Variants in LILRA5 observed in about 807,000 individuals in gnomAD.
LILRA5 encodes the protein leukocyte immunoglobulin like receptor A5, also known as leukocyte immunoglobulin-like receptor subfamily A member 5.
Under a neutral mutation model 36.3 loss-of-function variants are expected in LILRA5, and 31 were observed. That is an observed-to-expected ratio of 0.85 (90% CI 0.64 to 1.15). The LOEUF (loss-of-function observed/expected upper bound fraction) is 1.15. Ranked by LOEUF, LILRA5 falls within the 50% of genes most tolerant of loss-of-function variation. The pLI is 0.00. For synonymous variants in LILRA5, 144 were observed against 144.8 expected (o/e 0.99, Z 0.04); for missense variants, 348 against 377.4 (o/e 0.92, Z 0.64).
In LILRA5 at chr19:54,312,044, G is replaced by T; in HGVS notation, c.229C>A (p.Arg77Ser). ...TCTGGGCTTCCCTCTTTAACCAGAC[G>T]GTATTCCTGGGCCTCCAGGGTCCCC... ...CQGTLEAQEY[R>S]LVKEGSPEPW... Residue 77 changes from arginine (R) to serine (S), a missense_variant, in exon 4 of 7, where the codon CGT (arginine) becomes AGT (serine). Coordinates refer to ENST00000432233, the MANE Select transcript of LILRA5 (RefSeq NM_021250.4). 6.2e-7 allele frequency: 1 copy of T among 1,614,146 alleles called. No homozygotes were observed. The highest frequency in any genetic ancestry group is 8.5e-7 in the Non-Finnish European group (1 of 1,180,006).
Position 54,311,484 on chromosome 19 carries a change from G to A in LILRA5, c.642C>T (p.Cys214=), listed in dbSNP as rs1202839339. 6.2e-7 allele frequency: 1 copy of A among 1,614,190 alleles called. No homozygotes were observed. The highest frequency in any genetic ancestry group is 1.7e-5 in the Admixed American group (1 of 60,020). ...VTPSHRWMLR[C]YGSRRHILQV... Reference sequence around the variant, plus strand: ...GCAGGATATGCCTGCGAGAGCCATAGCATCTGAGCATCCACCTGTGGCTGG... The same window carrying A: ...GCAGGATATGCCTGCGAGAGCCATAACATCTGAGCATCCACCTGTGGCTGG... The change falls in exon 5 of 7, where the codon TGC becomes TGT. Residue 214 remains cysteine (C), a synonymous_variant. Coordinates refer to ENST00000432233, the MANE Select transcript of LILRA5 (RefSeq NM_021250.4).
Position 54,309,971 on chromosome 19 carries a change from C to T in LILRA5, c.712+1443G>A, listed in dbSNP as rs773142207. ...GGCCTCCAGGTGAGCACAGGAGGGGCGGTGTGAGTGGTACCCACAGCTGGG... is the reference window on the plus strand; with the variant it reads ...GGCCTCCAGGTGAGCACAGGAGGGGTGGTGTGAGTGGTACCCACAGCTGGG... On this transcript the variant is annotated intron_variant, in intron 5 of 6. Coordinates refer to ENST00000432233, the MANE Select transcript of LILRA5 (RefSeq NM_021250.4). The T allele has an allele frequency of 3.0e-4, 88 of 288,800 alleles. 1 individual carries two copies. Among genetic ancestry groups the T allele is most frequent in the South Asian group, 9.9e-4 (34 of 34,300 alleles). The allele number at this position is 288,800 out of a possible 1,614,324, so 17.9% of individuals were successfully genotyped here.
intron 5 of LILRA5, chr19:54,311,207 C>G (rs1382138413): frequency 7.2e-7 from 1 of 1,386,810 alleles, no homozygotes; most frequent in Non-Finnish European, 9.5e-7. Context: ...CCACCTGCCT[C>G]GGCCTCCCAA....
At chr19:54,312,880 C>A in intron 1 of LILRA5, 137 bp downstream of exon 1, 1 of 1,113,112 alleles carries the variant, frequency 9.0e-7, no homozygotes, top group Non-Finnish European at 1.3e-6. Context: ...AGCCGGGACA[C>A]AGCAGCAAAT....
chr19:54,312,032 C>G lies in LILRA5; in HGVS notation c.241G>C (p.Glu81Gln). 1 of 1,614,200 alleles carries G rather than the reference C, an allele frequency of 6.2e-7. No individual in the cohort carries two copies. Among genetic ancestry groups the G allele is most frequent in the Non-Finnish European group, 8.5e-7 (1 of 1,180,024 alleles). ...GTGTCCCAGGGTTCTGGGCTTCCCT[C>G]TTTAACCAGACGGTATTCCTGGGCC... ...LEAQEYRLVKEGSPEPWDTQN... is the reference protein window; with the variant it reads ...LEAQEYRLVKQGSPEPWDTQN... The change falls in exon 4 of 7, where the codon GAG becomes CAG. Residue 81 changes from glutamate (E) to glutamine (Q), a missense_variant. By Grantham distance (29) the Glu-to-Gln change is conservative. Coordinates refer to ENST00000432233, the MANE Select transcript of LILRA5 (RefSeq NM_021250.4).
intron 5 of LILRA5, chr19:54,309,652 A>G (rs1381823905): frequency 6.6e-6 from 1 of 152,210 alleles, no homozygotes. Context: ...AATACTTGCT[A>G]TTAACAACTA....
intron 5 of LILRA5, 190 bp downstream of exon 5, chr19:54,311,224 G>A: frequency 2.8e-6 from 4 of 1,452,708 alleles, no homozygotes; most frequent in Non-Finnish European, 3.6e-6. Context: ...CCAAAGTGCT[G>A]AGATTACACG....
Position 54,307,689 on chromosome 19 carries a change from C to G in LILRA5, c.763+9G>C, listed in dbSNP as rs368173230. On this transcript the variant is annotated intron_variant, in intron 6 of 6. Transcript: ENST00000432233. ...CCAGTTCCATAACTGAGAGCATCTC[C>G]TCACTCACCAGTCCCAGAGTCAGAC... 1.2e-6 allele frequency: 2 copies of G among 1,613,998 alleles called. No individual in the cohort carries two copies. Among genetic ancestry groups the G allele is most frequent in the Non-Finnish European group, 1.7e-6 (2 of 1,179,992 alleles).
chr19:54,310,093 G>T, intron 5 of LILRA5: 1 of 228,124 alleles, frequency 4.4e-6, no homozygotes, highest in Non-Finnish European at 8.9e-6. Flanking sequence ...TGTCCTGAGT[G>T]GGCTCAGGGA....
In LILRA5 at chr19:54,311,719, A is replaced by G. The variant is rs765351679; in HGVS notation, c.410-3T>C. The G allele has an allele frequency of 1.2e-6, 2 of 1,611,480 alleles. No individual in the cohort carries two copies. The highest frequency in any genetic ancestry group is 1.1e-5 in the South Asian group (1 of 91,054). The stretch of plus-strand genomic sequence containing the variant: ...GAGGGTGGGTTTGTTGTAGAATCCT[A>G]GGAGAGAAGGAGGCACCGTGTTAAA... On this transcript the variant is annotated splice_polypyrimidine_tract_variant and splice_region_variant and intron_variant, in intron 4 of 6. Coordinates refer to ENST00000432233, the MANE Select transcript of LILRA5 (RefSeq NM_021250.4).
chr19:54,311,692 G>A lies in LILRA5; in HGVS notation c.434C>T (p.Ser145Leu). 6.2e-7 allele frequency: 1 copy of A among 1,613,320 alleles called. No homozygotes were observed. The highest frequency in any genetic ancestry group is 1.1e-5 in the South Asian group (1 of 91,074). Residue 145 changes from serine (S) to leucine (L), a missense_variant, in exon 5 of 7, where the codon TCA becomes TTA. Ser to Leu is a moderately radical substitution (Grantham distance 145). Coordinates refer to ENST00000432233, the MANE Select transcript of LILRA5 (RefSeq NM_021250.4). ...GGTCACCACAGGACTGGGCAGGGCT[G>A]AGAGGGTGGGTTTGTTGTAGAATCC... is the stretch of plus-strand genomic sequence containing the variant. ...VTGFYNKPTL[S>L]ALPSPVVTSG... is the part of the protein sequence containing the mutation.
chr19:54,307,779 G>A (rs934470272), intron 5 of LILRA5, 31 bp from the exon 6 acceptor site: 12 of 1,598,272 alleles, frequency 7.5e-6, no homozygotes, highest in Non-Finnish European at 9.4e-6. Flanking sequence ...AGGGGAAGGA[G>A]AAGTTCTTGA....
At chr19:54,308,363 ATATATATATATATATATAT>A (rs2080932020) in intron 5 of LILRA5, 1 of 15,900 alleles carries the variant, frequency 6.3e-5, no homozygotes, top group Non-Finnish European at 1.1e-4. Context: ...AAATATATAT[ATATATATATATATATATAT>A]ATATATATAT....
At chr19:54,308,837 T>C (rs1739418958) in intron 5 of LILRA5, 1 of 152,114 alleles carries the variant, frequency 6.6e-6, no homozygotes. Context: ...CATGTAGATA[T>C]ACGTATAAAA....
At position 54,311,612 on chromosome 19, in the gene LILRA5, T is replaced by A; in HGVS notation, c.514A>T (p.Ile172Phe). The A allele has an allele frequency of 6.2e-7, 1 of 1,614,190 alleles. No homozygotes were observed. The highest frequency in any genetic ancestry group is 8.5e-7 in the Non-Finnish European group (1 of 1,180,036). Reference sequence around the variant, plus strand: ...TTGTGGTCTCCTTCCTCAGTCAGAATGAACCTGTCGAATCTCAGCCGTGAG... The same window carrying A: ...TTGTGGTCTCCTTCCTCAGTCAGAAAGAACCTGTCGAATCTCAGCCGTGAG... The part of the protein sequence containing the change: ...CGSRLRFDRF[I>F]LTEEGDHKLS... The change falls in exon 5 of 7, where the codon ATT becomes TTT. Residue 172 changes from isoleucine (I) to phenylalanine (F), a missense_variant. By Grantham distance (21) the Ile-to-Phe change is conservative. Transcript: ENST00000432233.
chr19:54,312,738 C>G, intron 1 of LILRA5, 117 bp from the exon 2 acceptor site: 1 of 1,043,774 alleles, frequency 9.6e-7, no homozygotes, highest in African/African-American at 1.6e-5. Flanking sequence ...AGGAGCCTGG[C>G]TCTCATTTCC....
Position 54,311,654 on chromosome 19 carries a change from C to T in LILRA5, c.472G>A (p.Val158Met), listed in dbSNP as rs758851272. Residue 158 changes from valine (V) to methionine (M), a missense_variant, in exon 5 of 7, where the codon GTG (valine) becomes ATG (methionine). Val to Met is a conservative substitution (Grantham distance 21). Coordinates refer to ENST00000432233, the MANE Select transcript of LILRA5 (RefSeq NM_021250.4). The stretch of plus-strand genomic sequence containing the variant: ...AGCCGTGAGCCACACTGGAGGGTCA[C>T]GTTCTCTCCTGAGGTCACCACAGGA... ...PSPVVTSGEN[V>M]TLQCGSRLRF... The T allele has an allele frequency of 6.9e-5, 112 of 1,614,040 alleles. No homozygotes were observed. The highest frequency in any genetic ancestry group is 9.1e-5 in the Non-Finnish European group (107 of 1,180,030).
chr19:54,313,022 T>C lies in LILRA5; in HGVS notation c.-3A>G. 6.2e-7 allele frequency: 1 copy of C among 1,610,982 alleles called. No individual in the cohort carries two copies. Among genetic ancestry groups the C allele is most frequent in the Non-Finnish European group, 8.5e-7 (1 of 1,177,496 alleles). On this transcript the variant is annotated 5_prime_UTR_variant, in exon 1 of 7. Transcript: ENST00000432233. ...CAGCGTTGCGGGGTCCTTACCATGG[T>C]CAGTGATTTTTCAGCCCTGGAGATG...
chr19:54,312,261 C>A, intron 3 of LILRA5, 74 bp downstream of exon 3: 1 of 1,613,314 alleles, frequency 6.2e-7, no homozygotes, highest in South Asian at 1.1e-5. Context: ...GCGGTCTTCA[C>A]CCCCAGCTGC....
Sources: allele counts gnomAD v4.1 joint callset, GRCh38; gene constraint gnomAD v4.1.1; transcripts MANE v1.5; gene names NCBI Gene and HGNC (gene_info 2026-07-23, HGNC 2026-07-21).